CCDC187: variants seen among roughly 807,000 people sequenced by gnomAD.
CCDC187 encodes the protein coiled-coil domain-containing protein 187.
CCDC187 carries 32 observed loss-of-function variants against 38.0 expected under a neutral mutation model. The observed-to-expected ratio is 0.84, with a 90% confidence interval of 0.64 to 1.13. The LOEUF (loss-of-function observed/expected upper bound fraction) is 1.13, where lower values mean the gene tolerates loss of function less well. Among genes scored for constraint, CCDC187 ranks in the 50% most tolerant of loss-of-function variants. CCDC187 has a pLI of 0.00. For missense variants in CCDC187, 707 were observed against 786.8 expected (o/e 0.90, Z 1.21); for synonymous variants, 333 against 347.9 (o/e 0.96, Z 0.48).
chr9:136,272,424 C>T (rs193302257), intron 14 of CCDC187, among the ~76,000 whole-genome samples: 202 of 151,854 alleles, frequency 1.3e-3, no homozygotes, highest in African/African-American at 4.6e-3. Context: ...CAAAAATGGC[C>T]GGGCGTGGTG....
Position 136,291,440 on chromosome 9 carries a change from G to C in CCDC187, c.1173C>G (p.Ala391=). 2.5e-6 allele frequency: 1 copy of C among 398,864 alleles called. No individual in the cohort carries two copies. 24.7% of individuals were successfully genotyped at this position (398,864 alleles called of 1,614,324 possible). ...QIQAGLELAQ[A]RKGGQELGPS... ...GCCCGAGCTCTTGCCCTCCCTTGCGGGCCTGGGCCAGCTCCAGCCCAGCCT... is the reference window on the plus strand; with the variant it reads ...GCCCGAGCTCTTGCCCTCCCTTGCGCGCCTGGGCCAGCTCCAGCCCAGCCT... The change falls in exon 6 of 26, where the codon GCC becomes GCG. Residue 391 remains alanine, a synonymous_variant. Transcript: ENST00000638797.
At chr9:136,282,373 T>A (rs892183923) in intron 9 of CCDC187, among the ~76,000 whole-genome samples, 13 of 151,904 alleles carry the variant, frequency 8.6e-5, no homozygotes, top group Non-Finnish European at 4.4e-5. Flanking sequence ...GGTGGCCAAG[T>A]GGTGAGGGAG....
chr9:136,297,581 C>A, intron 4 of CCDC187, 133 bp downstream of exon 4: 1 of 389,820 alleles, frequency 2.6e-6, no homozygotes, highest in Non-Finnish European at 4.5e-6. Flanking sequence ...AGGTGCCCTG[C>A]AGAACCCTGT....
upstream of CCDC187, among the ~76,000 whole-genome samples, chr9:136,304,351 T>C (rs1831765286): frequency 6.6e-6 from 1 of 152,016 alleles, no homozygotes; most frequent in South Asian, 2.1e-4. Flanking sequence ...TTCAATTCAG[T>C]CTGAGGCACA....
At chr9:136,287,269 C>T (rs1441429252) in intron 7 of CCDC187, among the ~76,000 whole-genome samples, 1 of 152,126 alleles carries the variant, frequency 6.6e-6, no homozygotes, top group African/African-American at 2.4e-5. Flanking sequence ...CCCGATGGTC[C>T]CCTGGAACTC....
At chr9:136,268,206 C>T (rs1383899385) in intron 14 of CCDC187, 81 bp from the exon 15 acceptor site, 12 of 904,264 alleles carry the variant, frequency 1.3e-5, no homozygotes, top group Non-Finnish European at 1.6e-5. Context: ...CGGAGGGCCT[C>T]ATAAAAGTAG....
At chr9:136,304,101 T>C (rs1204096305), upstream of CCDC187, 5 of 152,192 alleles carry the variant, frequency 3.3e-5, no homozygotes, top group African/African-American at 1.2e-4. Flanking sequence ...TAATGAGCTG[T>C]CTCTTGGTGG....
At chr9:136,284,903 C>T (rs1267100964) in intron 9 of CCDC187, among the ~76,000 whole-genome samples, 60 of 152,202 alleles carry the variant, frequency 3.9e-4, no homozygotes, top group African/African-American at 1.4e-3. Flanking sequence ...CCCCATGGAC[C>T]AAGCCTGCTG....
At chr9:136,300,474 C>A (rs1424592468) in intron 2 of CCDC187, among the ~76,000 whole-genome samples, 156 bp from the exon 3 acceptor site, 1 of 152,224 alleles carries the variant, frequency 6.6e-6, no homozygotes, top group African/African-American at 2.4e-5. Context: ...AGTGCAATGG[C>A]GCAATCTCAG....
chr9:136,281,289 G>A (rs1292587880), intron 10 of CCDC187: 6 of 397,604 alleles, frequency 1.5e-5, no homozygotes, highest in East Asian at 3.6e-5. Flanking sequence ...ACAGCGGCAC[G>A]GGGCATGGCT....
In CCDC187 at chr9:136,261,082, C is replaced by G. The variant is rs536209128; in HGVS notation, c.4065-818G>C. Among the ~76,000 whole-genome samples, 4 of 152,118 alleles carry G rather than the reference C, an allele frequency of 2.6e-5. No homozygotes were observed. In the South Asian group the frequency reaches 8.3e-4, roughly 32 times the overall value. ...AAAGGATTCATTCCCCTCCCCTACA[C>G]CCTCCTCGGCACGCGGCGTCTCAGG... On this transcript the variant is annotated intron_variant, in intron 19 of 25. Coordinates refer to ENST00000638797, the MANE Select transcript of CCDC187 (RefSeq NM_001378188.1).
intron 4 of CCDC187, among the ~76,000 whole-genome samples, chr9:136,297,499 C>T (rs2131347906): frequency 6.6e-6 from 1 of 152,258 alleles, no homozygotes; most frequent in African/African-American, 2.4e-5. Flanking sequence ...CCACCTGCTG[C>T]TCCAGTGGTG....
chr9:136,282,018 G>A (rs923183781), intron 9 of CCDC187, among the ~76,000 whole-genome samples: 17 of 152,318 alleles, frequency 1.1e-4, no homozygotes, highest in African/African-American at 4.1e-4. Flanking sequence ...CGGACCCCAG[G>A]GGGAACAGGG....
intron 2 of CCDC187, 46 bp from the exon 3 acceptor site, chr9:136,300,364 G>A (rs970305069): frequency 3.3e-5 from 13 of 398,144 alleles, no homozygotes; most frequent in East Asian, 1.8e-4. Flanking sequence ...AGAGAGATCC[G>A]CAAAGAACTT....
chr9:136,294,318 C>A (rs1045551831), intron 4 of CCDC187, among the ~76,000 whole-genome samples: 3 of 152,130 alleles, frequency 2.0e-5, no homozygotes, highest in Non-Finnish European at 4.4e-5. Context: ...ATACACATGC[C>A]CTCACGTGCT....
intron 4 of CCDC187, among the ~76,000 whole-genome samples, chr9:136,293,403 AAACACT>A (rs1831415548): frequency 2.6e-5 from 2 of 78,088 alleles, no homozygotes; most frequent in Admixed American, 1.3e-4. Flanking sequence ...ACACACTCAC[AAACACT>A]CACATGCTCA....
At chr9:136,263,333 C>G (rs1257932136) in intron 18 of CCDC187, among the ~76,000 whole-genome samples, 16 of 150,476 alleles carry the variant, frequency 1.1e-4, no homozygotes, top group Admixed American at 2.0e-4. Flanking sequence ...CCCCGGGGTT[C>G]ATGCCATTCT....
chr9:136,292,635 G>T (rs1338291482), intron 4 of CCDC187, among the ~76,000 whole-genome samples: 2 of 152,198 alleles, frequency 1.3e-5, no homozygotes, highest in Admixed American at 6.5e-5. Flanking sequence ...GGCCGGGCAC[G>T]CAGCACATGT....
rs1228285124 is a variant in CCDC187, at chr9:136,253,028, G to A, written c.*566C>T. On this transcript the variant is annotated 3_prime_UTR_variant, in exon 26 of 26. Transcript: ENST00000638797. Reference sequence around the variant, plus strand: ...GGCTGCCAACCAGGGACATGGAGGTGTGGCTGCCTGTGGGGGTGTGGCTGC... The same window carrying A: ...GGCTGCCAACCAGGGACATGGAGGTATGGCTGCCTGTGGGGGTGTGGCTGC... 2.0e-5 allele frequency: 3 copies of A among 152,764 alleles called. No individual in the cohort carries two copies. The highest frequency in any genetic ancestry group is 2.9e-5 in the Non-Finnish European group (2 of 68,396). The allele number at this position is 152,764 out of a possible 1,614,324, so 9.5% of individuals were successfully genotyped here.
Sources: allele counts gnomAD v4.1 joint callset (sites outside exome capture counted in the v4.1 genomes callset), GRCh38; gene constraint gnomAD v4.1.1; transcripts MANE v1.5; gene names NCBI Gene and HGNC (gene_info 2026-07-23, HGNC 2026-07-21).